The following SP6 variants were observed in gnomAD, a reference collection of about 807,000 sequenced individuals.
SP6 encodes Sp6 transcription factor.
SP6 carries 10 observed loss-of-function variants against 23.4 expected under a neutral mutation model. The ratio of observed to expected loss-of-function variants is 0.43; its 90% confidence interval spans 0.26 to 0.72. SP6 has a LOEUF of 0.72. SP6 is among the 30% of genes least tolerant of loss of function. The pLI is 0.23. For synonymous variants in SP6, 238 were observed against 238.7 expected (o/e 1.00, Z 0.03); for missense variants, 482 against 523.8 (o/e 0.92, Z 0.78).
chr17:47,861,198 G>C, the SP6 span, among the ~76,000 whole-genome samples: 1 of 152,158 alleles, frequency 6.6e-6, no homozygotes, highest in African/African-American at 2.4e-5. Context: ...GGTGGCTCAG[G>C]TGCTGGCGAG....
rs1025254862 is a variant in SP6, at chr17:47,848,256, G to C, written c.174C>G (p.Gly58=). Reference sequence around the variant, plus strand: ...AGCCCTGCGAGAAGTCCACCTCCGGGCCCAGCGGGAGGCTCTGCAGCTCTC... The same window carrying C: ...AGCCCTGCGAGAAGTCCACCTCCGGCCCCAGCGGGAGGCTCTGCAGCTCTC... ...QPGELQSLPL[G]PEVDFSQGYE... Residue 58 remains glycine, a synonymous_variant, in exon 2 of 2, where the codon GGC becomes GGG. Transcript: ENST00000536300. This position sits in a 1 kb window ranked among gnomAD's most constrained non-coding sequence, Gnocchi z 5.3. 6.2e-7 allele frequency: 1 copy of C among 1,611,884 alleles called. No individual in the cohort carries two copies. Among genetic ancestry groups the C allele is most frequent in the Non-Finnish European group, 8.5e-7 (1 of 1,179,022 alleles).
chr17:47,858,767 C>CTTTTTTTTTTTTTTTTTTTTTTTTTTT (rs36092685), upstream of SP6, among the ~76,000 whole-genome samples: 6 of 92,648 alleles, frequency 6.5e-5, 2 homozygotes, highest in Non-Finnish European at 6.1e-5. Flanking sequence ...GATGAAGCAT[C>CTTTTTTTTTTTTTTTTTTTTTTTTTTT]TTTTTTTTTT....
chr17:47,847,045 G>T lies in SP6; in HGVS notation c.*254C>A. The T allele has an allele frequency of 2.0e-6, 1 of 505,552 alleles. No individual in the cohort carries two copies. The highest frequency in any genetic ancestry group is 3.5e-6 in the Non-Finnish European group (1 of 288,126). The allele number at this position is 505,552 out of a possible 1,614,324, so 31.3% of individuals were successfully genotyped here. A position where few individuals can be genotyped will look rare whatever the true frequency, so the allele number is the denominator to read the frequency against. ...CCCCAACCCCCCAGCCCAGGGGCGA[G>T]GGAAACTGTGAGGCAGGGGAGAACA... is the stretch of plus-strand genomic sequence containing the variant. On this transcript the variant is annotated 3_prime_UTR_variant, in exon 2 of 2. Transcript: ENST00000536300.
Position 47,848,532 on chromosome 17 carries a change from A to C in SP6, c.-57-46T>G. The stretch of plus-strand genomic sequence containing the variant: ...GAAAAGTAAGGGAAATAACCAGCTC[A>C]CTTTCCCTCCTAACCCAGGTCCTCC... On this transcript the variant is annotated intron_variant, in intron 1 of 1. Transcript: ENST00000536300. This position sits in a 1 kb window ranked among gnomAD's most constrained non-coding sequence, Gnocchi z 5.3. 2.7e-4 allele frequency: 303 copies of C among 1,126,172 alleles called. No individual in the cohort carries two copies. Among genetic ancestry groups the C allele is most frequent in the Non-Finnish European group, 3.3e-4 (265 of 808,964 alleles). The allele number at this position is 1,126,172 out of a possible 1,614,324, so 69.8% of individuals were successfully genotyped here. A position where few individuals can be genotyped will look rare whatever the true frequency, so the allele number is the denominator to read the frequency against.
chr17:47,865,681 C>A, the SP6 span, among the ~76,000 whole-genome samples: 1 of 152,138 alleles, frequency 6.6e-6, no homozygotes, highest in Non-Finnish European at 1.5e-5. Flanking sequence ...TGCCTGGGGA[C>A]TTTTGTTAGC....
At position 47,847,545 on chromosome 17, in the gene SP6, G is replaced by A; in HGVS notation, c.885C>T (p.Phe295=). Residue 295 remains phenylalanine (F), a synonymous_variant, in exon 2 of 2, where the codon TTC becomes TTT. Coordinates refer to ENST00000536300, the MANE Select transcript of SP6 (RefSeq NM_001258248.2). The part of the protein sequence containing the change: ...VCNWLFCGKR[F]TRSDELQRHL... ...GGCGCTGCAGCTCGTCCGAGCGCGTGAAGCGCTTGCCGCAGAAGAGCCAGT... is the reference window on the plus strand; with the variant it reads ...GGCGCTGCAGCTCGTCCGAGCGCGTAAAGCGCTTGCCGCAGAAGAGCCAGT... The A allele has an allele frequency of 6.2e-7, 1 of 1,613,738 alleles. No homozygotes were observed. The highest frequency in any genetic ancestry group is 1.1e-5 in the South Asian group (1 of 91,088).
Position 47,847,850 on chromosome 17 carries a change from C to T in SP6, c.580G>A (p.Val194Ile), listed in dbSNP as rs1199666247. The T allele has an allele frequency of 2.6e-6, 4 of 1,518,042 alleles. No homozygotes were observed. The highest frequency in any genetic ancestry group is 1.8e-4 in the Middle Eastern group (1 of 5,558). The allele number at this position is 1,518,042 out of a possible 1,614,324, so 94.0% of individuals were successfully genotyped here. ...AGCCCTTGAGACTCCGGGGCGGCTA[C>T]TTCCAAGGCCTTAGCCCCGTCGGGC... ...GPPDGAKALE[V>I]AAPESQGLDS... The change falls in exon 2 of 2, where the codon GTA becomes ATA. Residue 194 changes from valine (V) to isoleucine (I), a missense_variant. Around this residue, in one of 3 missense-constraint regions of SP6, gnomAD observed 330 missense variants for 332.3 expected, o/e 0.99. Coordinates refer to ENST00000536300, the MANE Select transcript of SP6 (RefSeq NM_001258248.2).
Position 47,847,013 on chromosome 17 carries a change from T to G in SP6, c.*286A>C. ...CCCCGCCAGCCAGCCGCGGTACGGG[T>G]GTCCCACCCCAACCCCCCAGCCCAG... On this transcript the variant is annotated 3_prime_UTR_variant, in exon 2 of 2. Transcript: ENST00000536300. The G allele has an allele frequency of 2.3e-6, 1 of 430,318 alleles. No individual in the cohort carries two copies. Among genetic ancestry groups the G allele is most frequent in the Non-Finnish European group, 4.1e-6 (1 of 241,590 alleles). 26.7% of individuals were successfully genotyped at this position (430,318 alleles called of 1,614,324 possible). A position where few individuals can be genotyped will look rare whatever the true frequency, so the allele number is the denominator to read the frequency against.
Position 47,847,479 on chromosome 17 carries a change from T to C in SP6, c.951A>G (p.Ala317=), listed in dbSNP as rs1405053819. The C allele has an allele frequency of 1.9e-6, 3 of 1,613,740 alleles. No homozygotes were observed. Among genetic ancestry groups the C allele is most frequent in the East Asian group, 2.2e-5 (1 of 44,874 alleles). ...THTGTKKFPC[A]VCSRVFMRSD... ...TGCGCATGAAGACGCGGCTGCAGAC[T>C]GCACAGGGGAACTTCTTGGTGCCGG... Residue 317 remains alanine (A), a synonymous_variant, in exon 2 of 2, where the codon GCA becomes GCG. Transcript: ENST00000536300.
At chr17:47,851,747 C>T (rs2143656630), upstream of SP6, among the ~76,000 whole-genome samples, 1 of 149,964 alleles carries the variant, frequency 6.7e-6, no homozygotes, top group East Asian at 2.0e-4. Context: ...ACCCCCCGCA[C>T]CCCGCGCCGC....
upstream of SP6, among the ~76,000 whole-genome samples, chr17:47,859,392 A>G (rs773676132): frequency 6.6e-6 from 1 of 152,174 alleles, no homozygotes; most frequent in African/African-American, 2.4e-5. Context: ...TTATCCGCAC[A>G]TCACTGGCAT....
At chr17:47,866,532 G>A in the SP6 span, among the ~76,000 whole-genome samples, 4 of 152,222 alleles carry the variant, frequency 2.6e-5, no homozygotes, top group African/African-American at 4.8e-5. Context: ...AACCATTCCA[G>A]TGATGTGGAA....
At chr17:47,857,656 T>C (rs2034007443), upstream of SP6, among the ~76,000 whole-genome samples, 1 of 152,156 alleles carries the variant, frequency 6.6e-6, no homozygotes, top group Non-Finnish European at 1.5e-5. Flanking sequence ...GGAGACCCCC[T>C]TTCCTCCTCT....
the SP6 span, among the ~76,000 whole-genome samples, chr17:47,876,111 A>G: frequency 6.6e-6 from 1 of 152,210 alleles, no homozygotes; most frequent in Non-Finnish European, 1.5e-5. Flanking sequence ...TCTGGCTGAC[A>G]TATTCTGGAA....
chr17:47,869,532 G>C, the SP6 span, among the ~76,000 whole-genome samples: 4 of 152,192 alleles, frequency 2.6e-5, no homozygotes, highest in Non-Finnish European at 2.9e-5. Flanking sequence ...GATGCATCCT[G>C]TCCCTCCTAT....
upstream of SP6, among the ~76,000 whole-genome samples, chr17:47,860,626 G>A (rs2034029000): frequency 6.6e-6 from 1 of 151,782 alleles, no homozygotes; most frequent in Non-Finnish European, 1.5e-5. Flanking sequence ...CACTTTGGGA[G>A]GCGGAGGCGG....
upstream of SP6, among the ~76,000 whole-genome samples, chr17:47,859,571 T>C (rs997669067): frequency 6.6e-6 from 1 of 152,162 alleles, no homozygotes; most frequent in African/African-American, 2.4e-5. Flanking sequence ...AAGCCACAGC[T>C]GAGTGAATTA....
chr17:47,876,278 C>A, the SP6 span, among the ~76,000 whole-genome samples: 1 of 152,180 alleles, frequency 6.6e-6, no homozygotes, highest in African/African-American at 2.4e-5. Context: ...GTCCTGGGCC[C>A]CGAGCTCAGC....
chr17:47,868,133 G>A, the SP6 span, among the ~76,000 whole-genome samples: 1 of 152,120 alleles, frequency 6.6e-6, no homozygotes, highest in African/African-American at 2.4e-5. Context: ...AGTGACCACT[G>A]GAGCAGGCAC....
Sources: gnomAD v4.1 joint callset for allele counts (sites outside exome capture counted in the v4.1 genomes callset) on GRCh38, gnomAD v4.1.1 for gene constraint, gnomAD v4.1.1 regional missense constraint, Gnocchi (gnomAD v3.1) non-coding constraint, MANE v1.5 for transcripts, NCBI Gene and HGNC (gene_info 2026-07-23, HGNC 2026-07-21) for gene names.